Variants in AUTS2 observed in about 807,000 individuals in gnomAD.
The protein encoded by AUTS2 is activator of transcription and developmental regulator AUTS2.
AUTS2 carries 17 observed loss-of-function variants against 112.4 expected under a neutral mutation model. The observed-to-expected ratio is 0.15, with a 90% CI of 0.10 to 0.23. The LOEUF is 0.23. AUTS2 is among the 10% of genes least tolerant of loss of function. AUTS2 has a pLI of 1.00. For missense variants in AUTS2, 1,510 were observed against 1,701.6 expected (o/e 0.89, Z 1.98); for synonymous variants, 751 against 702.7 (o/e 1.07, Z -1.09).
At chr7:69,983,137 G>A (rs187093470) in intron 2 of AUTS2, among the ~76,000 whole-genome samples, 3 of 152,236 alleles carry the variant, frequency 2.0e-5, no homozygotes, top group Non-Finnish European at 4.4e-5. Flanking sequence ...TATTATAAAC[G>A]GAACATTGAC....
At chr7:69,874,124 G>C (rs1308617545) in intron 1 of AUTS2, among the ~76,000 whole-genome samples, 1 of 152,114 alleles carries the variant, frequency 6.6e-6, no homozygotes, top group Non-Finnish European at 1.5e-5. Context: ...GGACACAGTG[G>C]GCTCATGCCT....
Position 70,789,994 on chromosome 7 carries a change from G to A in AUTS2, c.2778G>A (p.Gly926=), listed in dbSNP as rs904966143. ...AGAAGGACGGGCACGGCCACGAGGG[G>A]CGCGCCGCGGGCGAAGAGGCCAAGC... ...LPEKDGHGHE[G]RAAGEEAKQL... is the part of the protein sequence containing the mutation. The change falls in exon 19 of 19, where the codon GGG becomes GGA. Residue 926 remains glycine (G), a synonymous_variant. Coordinates refer to ENST00000342771, the MANE Select transcript of AUTS2 (RefSeq NM_015570.4). 3 of 1,604,992 alleles carry A rather than the reference G, an allele frequency of 1.9e-6. No homozygotes were observed. The highest frequency in any genetic ancestry group is 1.7e-4 in the Middle Eastern group (1 of 6,042).
intron 4 of AUTS2, among the ~76,000 whole-genome samples, chr7:70,242,453 G>A (rs1812668263): frequency 6.6e-6 from 1 of 152,050 alleles, no homozygotes; most frequent in South Asian, 2.1e-4. Flanking sequence ...ATATTGGTCT[G>A]TATTCTACTT....
intron 2 of AUTS2, among the ~76,000 whole-genome samples, chr7:69,957,129 G>A (rs746832882): frequency 2.0e-5 from 3 of 150,916 alleles, no homozygotes; most frequent in Admixed American, 2.0e-4. Context: ...GCCTGCCTTG[G>A]CCCCCAGAAG....
chr7:69,923,938 C>G (rs560828802), intron 2 of AUTS2, among the ~76,000 whole-genome samples: 141 of 152,158 alleles, frequency 9.3e-4, no homozygotes, highest in African/African-American at 3.3e-3. Flanking sequence ...TCTTCTCTGT[C>G]TTTTTCTTGT....
At chr7:69,674,165 G>A (rs964094671) in intron 1 of AUTS2, among the ~76,000 whole-genome samples, 2 of 152,146 alleles carry the variant, frequency 1.3e-5, no homozygotes, top group African/African-American at 4.8e-5. Flanking sequence ...TTGTCTCCCT[G>A]ACCATTTCAC....
At chr7:69,911,068 AG>A (rs1348251728) in intron 2 of AUTS2, among the ~76,000 whole-genome samples, 1 of 152,212 alleles carries the variant, frequency 6.6e-6, no homozygotes, top group Non-Finnish European at 1.5e-5. Context: ...TTACAATTCA[AG>A]ATCAGATTTG....
Position 70,791,520 on chromosome 7 carries a change from A to AACTT in AUTS2, c.*530_*533dup, listed in dbSNP as rs150126670. The AACTT allele has an allele frequency of 6.5e-5, 10 of 152,688 alleles. No homozygotes were observed. Among genetic ancestry groups the AACTT allele is most frequent in the East Asian group, 1.9e-4 (1 of 5,200 alleles). The allele number at this position is 152,688 out of a possible 1,614,324, so 9.5% of individuals were successfully genotyped here. ...TACTTCTTAAAATGTGCTATTTGCA[A>AACTT]ACTTACTTAATATCAGTGAACACAG... is the stretch of plus-strand genomic sequence containing the variant. On this transcript the variant is annotated 3_prime_UTR_variant, in exon 19 of 19. Coordinates refer to ENST00000342771, the MANE Select transcript of AUTS2 (RefSeq NM_015570.4).
chr7:69,999,618 A>G (rs1799096619), intron 2 of AUTS2, among the ~76,000 whole-genome samples: 2 of 152,144 alleles, frequency 1.3e-5, no homozygotes, highest in Admixed American at 6.6e-5. Context: ...CTGGAGCAAG[A>G]CATGTTTCTT....
intron 2 of AUTS2, among the ~76,000 whole-genome samples, chr7:70,047,807 T>G (rs970553679): frequency 2.6e-5 from 4 of 152,168 alleles, no homozygotes; most frequent in Non-Finnish European, 5.9e-5. Context: ...AAGTTTTAAG[T>G]GCAGAAGTGT....
intron 5 of AUTS2, among the ~76,000 whole-genome samples, chr7:70,684,640 T>C (rs1808377700): frequency 6.7e-6 from 1 of 150,046 alleles, no homozygotes; most frequent in East Asian, 2.0e-4. Flanking sequence ...TGGTATGGTG[T>C]GGGGTGGTGT....
intron 2 of AUTS2, among the ~76,000 whole-genome samples, chr7:69,921,790 G>T (rs1795827060): frequency 1.3e-5 from 2 of 150,042 alleles, no homozygotes; most frequent in Non-Finnish European, 3.0e-5. Flanking sequence ...AAAAGGCCGG[G>T]CATGGTAGGT....
At chr7:70,771,458 C>A in intron 10 of AUTS2, 91 bp from the exon 11 acceptor site, 1 of 1,071,402 alleles carries the variant, frequency 9.3e-7, no homozygotes, top group Non-Finnish European at 1.4e-6. Context: ...GTGGCTTGCT[C>A]ATGTCGATGT....
intron 2 of AUTS2, among the ~76,000 whole-genome samples, chr7:70,079,899 T>G (rs1371073176): frequency 2.6e-5 from 4 of 152,194 alleles, no homozygotes; most frequent in African/African-American, 9.7e-5. Flanking sequence ...GGTGAGGACC[T>G]TCTTGCTGTA....
At chr7:69,869,418 A>G (rs920697400) in intron 1 of AUTS2, among the ~76,000 whole-genome samples, 7 of 151,942 alleles carry the variant, frequency 4.6e-5, no homozygotes, top group African/African-American at 1.7e-4. Context: ...TATTTTGATA[A>G]AATATTATCT....
At chr7:69,668,808 T>C (rs539263449) in intron 1 of AUTS2, among the ~76,000 whole-genome samples, 6 of 152,336 alleles carry the variant, frequency 3.9e-5, no homozygotes, top group African/African-American at 1.4e-4. Flanking sequence ...ACCAAAATCA[T>C]GTTCTACTAA....
At chr7:70,474,390 T>A (rs1797504116) in intron 5 of AUTS2, among the ~76,000 whole-genome samples, 1 of 152,202 alleles carries the variant, frequency 6.6e-6, no homozygotes, top group African/African-American at 2.4e-5. Context: ...GTCCAGATGC[T>A]TCCAGAGGCC....
intron 6 of AUTS2, among the ~76,000 whole-genome samples, chr7:70,704,500 T>C (rs932548390): frequency 1.3e-5 from 2 of 152,244 alleles, no homozygotes; most frequent in African/African-American, 4.8e-5. Context: ...TCTCTATCCT[T>C]GGCAATATTG....
chr7:70,387,465 ATCTG>A (rs1157431569), intron 4 of AUTS2, among the ~76,000 whole-genome samples: 1 of 152,026 alleles, frequency 6.6e-6, no homozygotes, highest in Non-Finnish European at 1.5e-5. Context: ...CCACTCTTTT[ATCTG>A]TCTATTTTCT....
Sources: gnomAD v4.1 joint callset for allele counts (sites outside exome capture counted in the v4.1 genomes callset) on GRCh38, gnomAD v4.1.1 for gene constraint, MANE v1.5 for transcripts, NCBI Gene and HGNC (gene_info 2026-07-23, HGNC 2026-07-21) for gene names.